TRPC1: variants seen among roughly 807,000 people sequenced by gnomAD.
The protein encoded by TRPC1 is transient receptor potential cation channel subfamily C member 1, also known as short transient receptor potential channel 1.
In TRPC1, 42 loss-of-function variants were observed where a neutral mutation model predicts 88.2. The observed-to-expected ratio is 0.48, with a 90% CI of 0.37 to 0.62. TRPC1 has a LOEUF of 0.62. TRPC1 is among the 20% of genes least tolerant of loss of function. The probability of loss-of-function intolerance (pLI) is 0.00; values close to 1 mark genes in which losing one functional copy is unlikely to be tolerated. For missense variants in TRPC1, 699 were observed against 957.3 expected, an observed-to-expected ratio of 0.73 and a Z score of 3.56; for synonymous variants, 288 against 331.8, an observed-to-expected ratio of 0.87 and a Z score of 1.43.
At chr3:142,797,652 T>TA (rs1936494019) in intron 9 of TRPC1, among the ~76,000 whole-genome samples, 1 of 152,176 alleles carries the variant, frequency 6.6e-6, no homozygotes, top group Non-Finnish European at 1.5e-5. Context: ...ACTTACTGTT[T>TA]AGTGTCTGTG....
At chr3:142,769,381 TGGGGTCTTTC>T (rs1184408463) in intron 4 of TRPC1, among the ~76,000 whole-genome samples, 1 of 152,148 alleles carries the variant, frequency 6.6e-6, no homozygotes, top group Non-Finnish European at 1.5e-5. Context: ...ATTTTTGAAA[TGGGGTCTTTC>T]AGTGTTGCGC....
intron 9 of TRPC1, among the ~76,000 whole-genome samples, chr3:142,801,626 T>C (rs1402656472): frequency 6.6e-6 from 1 of 152,130 alleles, no homozygotes; most frequent in African/African-American, 2.4e-5. Flanking sequence ...CACATAATAT[T>C]TTCTTAAAAT....
At chr3:142,790,961 T>A in intron 7 of TRPC1, 58 bp from the exon 8 acceptor site, 1 of 1,359,102 alleles carries the variant, frequency 7.4e-7, no homozygotes, top group Non-Finnish European at 9.7e-7. Flanking sequence ...TAAAGTATTA[T>A]TTAGTTTATT....
chr3:142,798,165 A>G (rs1936508306), intron 9 of TRPC1, among the ~76,000 whole-genome samples: 1 of 152,120 alleles, frequency 6.6e-6, no homozygotes, highest in South Asian at 2.1e-4. Context: ...CATGCAGATG[A>G]GTCTGATGCA....
chr3:142,757,769 A>T (rs1015489350), intron 4 of TRPC1, among the ~76,000 whole-genome samples: 1 of 152,168 alleles, frequency 6.6e-6, no homozygotes, highest in Non-Finnish European at 1.5e-5. Context: ...TATGTAACAA[A>T]TCTGCACGTT....
rs137896839 is a variant in TRPC1, at chr3:142,733,369, G to A, written c.173-3010G>A. 1.3e-3 allele frequency among the ~76,000 whole-genome samples: 204 copies of A among 152,106 alleles called. 1 individual carries two copies. The highest frequency in any genetic ancestry group is 6.8e-3 in the Middle Eastern group (2 of 294). The stretch of plus-strand genomic sequence containing the variant: ...TCTACTAAAAATACAAAAATTAGCC[G>A]GGCGTGGTGGCAGCTGCCTGTAATC... On this transcript the variant is annotated intron_variant, in intron 1 of 12. Transcript: ENST00000476941.
intron 9 of TRPC1, among the ~76,000 whole-genome samples, chr3:142,799,489 T>C (rs1186015497): frequency 6.6e-6 from 1 of 152,086 alleles, no homozygotes; most frequent in Non-Finnish European, 1.5e-5. Flanking sequence ...CTTCTTCTTG[T>C]ATTAAGAACC....
At chr3:142,781,160 A>C (rs1359571623) in intron 6 of TRPC1, 131 bp downstream of exon 6, 3 of 633,384 alleles carry the variant, frequency 4.7e-6, no homozygotes, top group Admixed American at 3.7e-5. Flanking sequence ...GTGTCTTGGG[A>C]TAGTTATTGA....
chr3:142,724,958 G>C lies in TRPC1; in HGVS notation c.172+227G>C, dbSNP rs973529105. 4.6e-5 allele frequency among the ~76,000 whole-genome samples: 7 copies of C among 152,214 alleles called. No individual in the cohort carries two copies. The highest frequency in any genetic ancestry group is 1.4e-4 in the African/African-American group (6 of 41,464). The stretch of plus-strand genomic sequence containing the variant: ...GCGCCCTCGGAGCGCTGCACCGTCG[G>C]GGGTGGCTCTGGCCTTGGGGTCCGG... On this transcript the variant is annotated intron_variant, in intron 1 of 12. Coordinates refer to ENST00000476941, the MANE Select transcript of TRPC1 (RefSeq NM_001251845.2). The surrounding 1 kb of genome is among the most constrained non-coding windows in gnomAD (Gnocchi z 5.6).
intron 9 of TRPC1, among the ~76,000 whole-genome samples, chr3:142,797,332 T>C (rs1936485153): frequency 6.6e-6 from 1 of 152,062 alleles, no homozygotes; most frequent in African/African-American, 2.4e-5. Context: ...ATCTGCCGTA[T>C]CATGTGATTC....
chr3:142,780,473 T>C (rs1935925431), intron 5 of TRPC1, among the ~76,000 whole-genome samples: 2 of 152,104 alleles, frequency 1.3e-5, no homozygotes, highest in Admixed American at 6.5e-5. Context: ...TTAAGGTGAG[T>C]AATATAAAAG....
At chr3:142,725,345 C>G (rs1933632414) in intron 1 of TRPC1, among the ~76,000 whole-genome samples, 1 of 152,176 alleles carries the variant, frequency 6.6e-6, no homozygotes, top group East Asian at 1.9e-4. Flanking sequence ...GTTGCCAAAA[C>G]TTTCTCTGGA....
chr3:142,776,341 G>A lies in TRPC1; in HGVS notation c.633-1291G>A. Among the ~76,000 whole-genome samples the A allele has an allele frequency of 6.6e-6, 1 of 151,990 alleles. No homozygotes were observed. Among genetic ancestry groups the A allele is most frequent in the Non-Finnish European group, 1.5e-5 (1 of 67,994 alleles). On this transcript the variant is annotated intron_variant, in intron 4 of 12. Coordinates refer to ENST00000476941, the MANE Select transcript of TRPC1 (RefSeq NM_001251845.2). The surrounding 1 kb of genome is among the most constrained non-coding windows in gnomAD (Gnocchi z 4.1). ...TTACCTTATGTTTTATAATAAGCAT[G>A]TATTTAAATTTATATTAAAAGAAAA...
intron 3 of TRPC1, 58 bp from the exon 4 acceptor site, chr3:142,748,200 A>C: frequency 2.2e-6 from 3 of 1,383,742 alleles, no homozygotes; most frequent in Non-Finnish European, 3.0e-6. Flanking sequence ...TCTTCAGATA[A>C]ATATATTTTT....
rs759693044 is a variant in TRPC1, at chr3:142,806,198, G to A, written c.2345G>A (p.Arg782Gln). 1.9e-5 allele frequency: 31 copies of A among 1,612,582 alleles called. No homozygotes were observed. Among genetic ancestry groups the A allele is most frequent in the Admixed American group, 5.0e-5 (3 of 59,908 alleles). Residue 782 changes from arginine (R) to glutamine (Q), a missense_variant, in exon 13 of 13, where the codon CGG becomes CAG. Coordinates refer to ENST00000476941, the MANE Select transcript of TRPC1 (RefSeq NM_001251845.2). ...GAAATAAGGGATTTACTTGGCTTTC[G>A]GACTTCTAAATATGCTATGTTTTAT... ...RNEIRDLLGF[R>Q]TSKYAMFYPR...
intron 4 of TRPC1, among the ~76,000 whole-genome samples, chr3:142,752,388 T>G (rs1430173315): frequency 3.9e-5 from 6 of 152,286 alleles, no homozygotes; most frequent in African/African-American, 1.4e-4. Flanking sequence ...AGATTTATGT[T>G]TCTCTCCACC....
intron 4 of TRPC1, among the ~76,000 whole-genome samples, chr3:142,761,032 G>A (rs1935165594): frequency 6.6e-6 from 1 of 151,970 alleles, no homozygotes; most frequent in Admixed American, 6.6e-5. Flanking sequence ...TGTCATCTGA[G>A]AACAAGGCTA....
At chr3:142,772,260 T>C (rs2108098110) in intron 4 of TRPC1, among the ~76,000 whole-genome samples, 2 of 152,326 alleles carry the variant, frequency 1.3e-5, no homozygotes, top group East Asian at 3.9e-4. Context: ...TTTTCCTTTT[T>C]CTTTTCTTCT....
intron 4 of TRPC1, among the ~76,000 whole-genome samples, chr3:142,760,122 G>A (rs929334954): frequency 7.9e-5 from 12 of 152,232 alleles, no homozygotes; most frequent in East Asian, 1.9e-4. Flanking sequence ...CACTGTGCCC[G>A]GCCTTGTCTG....
Sources: allele counts gnomAD v4.1 joint callset (sites outside exome capture counted in the v4.1 genomes callset), GRCh38; gene constraint gnomAD v4.1.1; non-coding constraint Gnocchi (gnomAD v3.1); transcripts MANE v1.5; gene names NCBI Gene and HGNC (gene_info 2026-07-23, HGNC 2026-07-21).